The following GAD2 variants were observed in gnomAD, a reference collection of about 807,000 sequenced individuals.
GAD2 encodes glutamate decarboxylase 2, also known as 65 kDa glutamic acid decarboxylase.
GAD2 carries 22 observed loss-of-function variants against 80.1 expected under a neutral mutation model. That is an observed-to-expected ratio of 0.27 (90% confidence interval 0.20 to 0.39). The LOEUF is 0.39. Ranked by LOEUF, GAD2 falls within the 10% of genes least tolerant of loss-of-function variation. The probability of loss-of-function intolerance (pLI) is 1.00; values close to 1 mark genes in which losing one functional copy is unlikely to be tolerated. For missense variants in GAD2, 624 were observed against 738.4 expected (o/e 0.85, Z 1.80); for synonymous variants, 274 against 256.9 (o/e 1.07, Z -0.64).
rs1834326466 is a variant in GAD2 at position 26,301,175 on chromosome 10, AT to A, written c.*215del. 1 of 524,370 alleles carries A rather than the reference AT, an allele frequency of 1.9e-6. No homozygotes were observed. The allele number at this position is 524,370 out of a possible 1,614,324, so 32.5% of individuals were successfully genotyped here. ...CTCTAAGAATTCGTGACAAAAGGCT[AT>A]GTTCTAATCAATAAGGAAAAGCTTA... On this transcript the variant is annotated 3_prime_UTR_variant, in exon 16 of 16. Transcript: ENST00000376261.
chr10:26,224,719 G>C, intron 6 of GAD2, 68 bp downstream of exon 6: 1 of 1,169,820 alleles, frequency 8.5e-7, no homozygotes, highest in Non-Finnish European at 1.3e-6. Flanking sequence ...TAAACCTAGG[G>C]AAGATTAAAA....
At chr10:26,218,843 G>C (rs954498173) in intron 3 of GAD2, among the ~76,000 whole-genome samples, 200 bp from the exon 4 acceptor site, 1 of 152,182 alleles carries the variant, frequency 6.6e-6, no homozygotes, top group African/African-American at 2.4e-5. Flanking sequence ...TTGGGGAAGA[G>C]AAGAAATCAT....
At position 26,303,515 on chromosome 10, in the gene GAD2, A is replaced by AGGAGGGAGGGAG. The variant is rs1834351063; in HGVS notation, c.*2555_*2556insGAGGGAGGGAGG. The AGGAGGGAGGGAG allele has an allele frequency of 7.0e-6, 1 of 143,844 alleles. No homozygotes were observed. Among genetic ancestry groups the AGGAGGGAGGGAG allele is most frequent in the African/African-American group, 2.8e-5 (1 of 35,220 alleles). The allele number at this position is 143,844 out of a possible 1,614,324, so 8.9% of individuals were successfully genotyped here. On this transcript the variant is annotated 3_prime_UTR_variant, in exon 16 of 16. Transcript: ENST00000376261. ...ATGAAGGGAGGGAGGGAGGGAGGAA[A>AGGAGGGAGGGAG]GAAGGGAGATTATTTTTAATATTAG...
chr10:26,224,764 T>G (rs1383503258), intron 6 of GAD2, 113 bp downstream of exon 6: 2 of 704,498 alleles, frequency 2.8e-6, no homozygotes, highest in Admixed American at 5.5e-5. Context: ...TTAAATAGAC[T>G]GTGTGTTGAT....
Position 26,238,005 on chromosome 10 carries a change from GACACACAC to G in GAD2, c.841-7880_841-7873del, listed in dbSNP as rs58551669. Among the ~76,000 whole-genome samples, 623 of 118,268 alleles carry G rather than the reference GACACACAC, an allele frequency of 5.3e-3. 5 individuals carry two copies. The highest frequency in any genetic ancestry group is 0.018 in the African/African-American group (465 of 26,468). 77.6% of individuals were successfully genotyped at this position (118,268 alleles called of 152,430 possible). On this transcript the variant is annotated intron_variant, in intron 7 of 15. Coordinates refer to ENST00000376261, the MANE Select transcript of GAD2 (RefSeq NM_001134366.2). Reference sequence around the variant, plus strand: ...TGACAGGGCGAGACTCCATCACACAGACACACACACACACACACACACACACACACACA... The same window carrying G: ...TGACAGGGCGAGACTCCATCACACAGACACACACACACACACACACACACA...
At position 26,292,527 on chromosome 10, in the gene GAD2, C is replaced by T. The variant is rs1012884220; in HGVS notation, c.1449C>T (p.Asn483=). The T allele has an allele frequency of 6.2e-7, 1 of 1,613,942 alleles. No individual in the cohort carries two copies. The highest frequency in any genetic ancestry group is 8.5e-7 in the Non-Finnish European group (1 of 1,179,888). ...TGGAGTTGGCAGAGTATTTATACAA[C>T]ATCATAAAAAACCGAGAAGGATATG... ...KCLELAEYLY[N]IIKNREGYEM... The change falls in exon 14 of 16, where the codon AAC becomes AAT. Residue 483 remains asparagine, a synonymous_variant. Transcript: ENST00000376261.
intron 15 of GAD2, among the ~76,000 whole-genome samples, chr10:26,298,183 C>T (rs1834294921): frequency 6.6e-6 from 1 of 152,156 alleles, no homozygotes; most frequent in South Asian, 2.1e-4. Context: ...TAGGGAATTT[C>T]AATCATTAGG....
intron 8 of GAD2, among the ~76,000 whole-genome samples, chr10:26,264,555 C>T (rs1286068090): frequency 2.0e-5 from 3 of 152,088 alleles, no homozygotes; most frequent in Admixed American, 6.5e-5. Flanking sequence ...GGTGATCTGC[C>T]GGCCTCAGCC....
At chr10:26,252,877 C>G in intron 8 of GAD2, among the ~76,000 whole-genome samples, 1 of 142,052 alleles carries the variant, frequency 7.0e-6, no homozygotes, top group East Asian at 2.2e-4. Flanking sequence ...AGGCTGCTCT[C>G]GGACTCCTGA....
At chr10:26,228,960 CG>C (rs1844563670) in intron 6 of GAD2, among the ~76,000 whole-genome samples, 1 of 152,032 alleles carries the variant, frequency 6.6e-6, no homozygotes, top group African/African-American at 2.4e-5. Context: ...GAGGCCGAGG[CG>C]GGTGGATCAT....
At position 26,304,259 on chromosome 10, in the gene GAD2, A is replaced by T. The variant is rs1303378028; in HGVS notation, c.*3298A>T. 1 of 152,638 alleles carries T rather than the reference A, an allele frequency of 6.6e-6. No homozygotes were observed. Among genetic ancestry groups the T allele is most frequent in the African/African-American group, 2.4e-5 (1 of 41,448 alleles). 9.5% of individuals were successfully genotyped at this position (152,638 alleles called of 1,614,324 possible). ...GCACAGGTGTAAATATAGTAGCAGG[A>T]TGAGGAACCTCAAACTGGGTATCAT... On this transcript the variant is annotated 3_prime_UTR_variant, in exon 16 of 16. Transcript: ENST00000376261.
chr10:26,234,246 C>A (rs1844642112), intron 7 of GAD2, among the ~76,000 whole-genome samples: 1 of 151,798 alleles, frequency 6.6e-6, no homozygotes, highest in African/African-American at 2.4e-5. Flanking sequence ...ATCACTGGAA[C>A]CCGGGAGGCA....
intron 6 of GAD2, among the ~76,000 whole-genome samples, chr10:26,227,270 T>C (rs535912570): frequency 6.6e-6 from 1 of 152,330 alleles, no homozygotes; most frequent in African/African-American, 2.4e-5. Flanking sequence ...CACTTGCTTT[T>C]ACATCCTTTC....
At chr10:26,274,868 G>A (rs1055234287) in intron 11 of GAD2, among the ~76,000 whole-genome samples, 1 of 152,242 alleles carries the variant, frequency 6.6e-6, no homozygotes, top group African/African-American at 2.4e-5. Context: ...CATGTCAGAA[G>A]GGTCACTGTC....
At chr10:26,270,243 T>A (rs1845118967) in intron 9 of GAD2, among the ~76,000 whole-genome samples, 1 of 152,204 alleles carries the variant, frequency 6.6e-6, no homozygotes, top group Admixed American at 6.5e-5. Context: ...TCCTGCCTAC[T>A]CACTCTAGGG....
At chr10:26,252,689 C>G (rs192062406) in intron 8 of GAD2, among the ~76,000 whole-genome samples, 68 of 150,396 alleles carry the variant, frequency 4.5e-4, no homozygotes, top group African/African-American at 1.6e-3. Context: ...GAATCTTGCT[C>G]TTGTTGCCCA....
chr10:26,245,977 G>A lies in GAD2; in HGVS notation c.897G>A (p.Val299=). ...AAALGIGTDS[V]ILIKCDERGK... ...CCTTAGGGATTGGAACAGACAGCGT[G>A]ATTCTGATTAAATGTGATGAGAGGT... The change falls in exon 8 of 16, where the codon GTG becomes GTA. Residue 299 remains valine (V), a synonymous_variant. Coordinates refer to ENST00000376261, the MANE Select transcript of GAD2 (RefSeq NM_001134366.2). 6.2e-7 allele frequency: 1 copy of A among 1,614,140 alleles called. No individual in the cohort carries two copies. Among genetic ancestry groups the A allele is most frequent in the East Asian group, 2.2e-5 (1 of 44,878 alleles).
At chr10:26,261,481 C>T (rs1442823175) in intron 8 of GAD2, among the ~76,000 whole-genome samples, 1 of 152,230 alleles carries the variant, frequency 6.6e-6, no homozygotes, top group Middle Eastern at 3.4e-3. Context: ...ATTAATCCTT[C>T]GTTAAATGTG....
intron 8 of GAD2, among the ~76,000 whole-genome samples, chr10:26,259,407 C>A (rs1844982991): frequency 6.6e-6 from 1 of 152,084 alleles, no homozygotes; most frequent in Non-Finnish European, 1.5e-5. Context: ...TTCATAGCAG[C>A]CTCTTTATGG....
Sources: allele counts gnomAD v4.1 joint callset (sites outside exome capture counted in the v4.1 genomes callset), GRCh38; gene constraint gnomAD v4.1.1; transcripts MANE v1.5; gene names NCBI Gene and HGNC (gene_info 2026-07-23, HGNC 2026-07-21).